Variants in RABGAP1L observed in about 807,000 individuals in gnomAD.
RABGAP1L encodes the protein RAB GTPase activating protein 1 like, also known as rab GTPase-activating protein 1-like.
A neutral mutation model predicts 137.7 loss-of-function variants in RABGAP1L; 63 were observed. The observed-to-expected ratio is 0.46, with a 90% CI of 0.37 to 0.56. The LOEUF (loss-of-function observed/expected upper bound fraction) is 0.56. RABGAP1L is among the 20% of genes least tolerant of loss of function. The probability of loss-of-function intolerance (pLI) is 0.00; values close to 1 mark genes in which losing one functional copy is unlikely to be tolerated. For missense variants in RABGAP1L, 1,095 were observed against 1,244.0 expected (o/e 0.88, Z 1.80); for synonymous variants, 431 against 433.7 (o/e 0.99, Z 0.08).
intron 13 of RABGAP1L, among the ~76,000 whole-genome samples, chr1:174,529,931 G>C (rs140217172): frequency 6.6e-6 from 1 of 152,212 alleles, no homozygotes; most frequent in East Asian, 2.0e-4. Flanking sequence ...GTACTCCCCT[G>C]ACCCCCAGAC....
chr1:174,451,273 T>C (rs1036902422), intron 13 of RABGAP1L, among the ~76,000 whole-genome samples: 2 of 152,230 alleles, frequency 1.3e-5, no homozygotes, highest in African/African-American at 4.8e-5. Context: ...TTCTAAATTA[T>C]ACATATTATT....
chr1:174,420,820 G>A (rs532808680), intron 13 of RABGAP1L, among the ~76,000 whole-genome samples: 7 of 151,838 alleles, frequency 4.6e-5, no homozygotes, highest in African/African-American at 9.7e-5. Flanking sequence ...GACTACAGGC[G>A]CCCGCCACCA....
intron 11 of RABGAP1L, among the ~76,000 whole-genome samples, chr1:174,346,847 T>G (rs1232139825): frequency 2.0e-5 from 3 of 152,094 alleles, no homozygotes; most frequent in African/African-American, 7.2e-5. Flanking sequence ...TTTTTTGATG[T>G]AGGTGCTTAT....
At chr1:174,492,137 T>C (rs2149355375) in intron 13 of RABGAP1L, among the ~76,000 whole-genome samples, 1 of 152,114 alleles carries the variant, frequency 6.6e-6, no homozygotes, top group African/African-American at 2.4e-5. Flanking sequence ...AGTGTAGCTT[T>C]CTATTCCGCC....
intron 19 of RABGAP1L, chr1:174,938,597 G>C (rs569098074): frequency 5.8e-4 from 88 of 152,012 alleles, no homozygotes; most frequent in African/African-American, 2.0e-3. Context: ...CCCATTGAGT[G>C]TTTTTCCTTG....
intron 13 of RABGAP1L, among the ~76,000 whole-genome samples, chr1:174,527,695 T>C (rs559445473): frequency 5.8e-4 from 89 of 152,242 alleles, no homozygotes; most frequent in African/African-American, 2.1e-3. Flanking sequence ...CTTTACTGAT[T>C]TTCTGTCTAG....
intron 9 of RABGAP1L, among the ~76,000 whole-genome samples, chr1:174,277,143 A>G (rs758401554): frequency 2.9e-4 from 44 of 152,152 alleles, no homozygotes; most frequent in Non-Finnish European, 5.4e-4. Context: ...GAGAGTATTC[A>G]CCATTTATAT....
intron 19 of RABGAP1L, among the ~76,000 whole-genome samples, chr1:174,955,520 T>C (rs1668382424): frequency 6.6e-6 from 1 of 152,194 alleles, no homozygotes; most frequent in Admixed American, 6.5e-5. Flanking sequence ...ATAAGGAAAT[T>C]GTGAGATAAT....
chr1:174,643,777 A>G (rs1237973068), intron 14 of RABGAP1L, among the ~76,000 whole-genome samples: 1 of 152,016 alleles, frequency 6.6e-6, no homozygotes, highest in Non-Finnish European at 1.5e-5. Flanking sequence ...TTTTCATATT[A>G]TTCATTTTAG....
In RABGAP1L at chr1:174,385,495, G is replaced by T. The variant is rs375761500; in HGVS notation, c.1560-8500G>T. 2.6e-5 allele frequency among the ~76,000 whole-genome samples: 4 copies of T among 152,178 alleles called. No homozygotes were observed. In the South Asian group the frequency reaches 6.2e-4, roughly 24 times the overall value. ...GGAAATATGAGTTTGGGAGTCATCA[G>T]TATATAGATGGTTTTTAAAGCTGTT... On this transcript the variant is annotated intron_variant, in intron 12 of 25. Coordinates refer to ENST00000681986, the MANE Select transcript of RABGAP1L (RefSeq NM_001366446.1).
intron 1 of RABGAP1L, among the ~76,000 whole-genome samples, chr1:174,177,235 T>C (rs572614062): frequency 6.6e-6 from 1 of 152,356 alleles, no homozygotes; most frequent in South Asian, 2.1e-4. Context: ...TGACCAGTGA[T>C]GATGAGCTTT....
intron 14 of RABGAP1L, among the ~76,000 whole-genome samples, chr1:174,660,445 T>C (rs35762955): frequency 6.6e-6 from 1 of 152,196 alleles, no homozygotes; most frequent in African/African-American, 2.4e-5. Flanking sequence ...TTAGGAAATC[T>C]TACTGACTCC....
At chr1:174,196,470 C>T (rs917118864) in intron 1 of RABGAP1L, among the ~76,000 whole-genome samples, 4 of 152,090 alleles carry the variant, frequency 2.6e-5, no homozygotes, top group Non-Finnish European at 4.4e-5. Context: ...GTGATCCACC[C>T]GCCTCGGCCT....
chr1:174,904,594 T>C (rs1396081532), intron 19 of RABGAP1L, among the ~76,000 whole-genome samples: 1 of 152,160 alleles, frequency 6.6e-6, no homozygotes, highest in Admixed American at 6.5e-5. Flanking sequence ...CACATAAAAG[T>C]GGCTGTTCAG....
intron 15 of RABGAP1L, among the ~76,000 whole-genome samples, chr1:174,687,602 T>C (rs1678575985): frequency 2.6e-5 from 4 of 152,206 alleles, no homozygotes; most frequent in African/African-American, 7.2e-5. Flanking sequence ...TTTAAACAAA[T>C]AGAAGAATAC....
intron 13 of RABGAP1L, among the ~76,000 whole-genome samples, chr1:174,580,037 C>T (rs1220257879): frequency 3.9e-5 from 6 of 152,196 alleles, no homozygotes; most frequent in Non-Finnish European, 2.9e-5. Context: ...GCTGGGATTA[C>T]AGGCATGAGA....
intron 18 of RABGAP1L, among the ~76,000 whole-genome samples, chr1:174,764,786 T>A (rs1685534096): frequency 1.3e-5 from 2 of 152,144 alleles, no homozygotes; most frequent in African/African-American, 2.4e-5. Context: ...TGTTCTTTCT[T>A]AGAGTAGCAA....
chr1:174,394,186 C>T, intron 13 of RABGAP1L, 41 bp downstream of exon 13: 1 of 1,589,916 alleles, frequency 6.3e-7, no homozygotes, highest in South Asian at 1.1e-5. Flanking sequence ...ATTGGATGAC[C>T]TATTAAATAA....
intron 13 of RABGAP1L, among the ~76,000 whole-genome samples, chr1:174,442,614 A>G (rs1157511948): frequency 2.6e-5 from 4 of 152,130 alleles, no homozygotes; most frequent in Admixed American, 6.5e-5. Flanking sequence ...TTAATAATAC[A>G]TAATAGTTAT....
Sources: gnomAD v4.1 joint callset for allele counts (sites outside exome capture counted in the v4.1 genomes callset) on GRCh38, gnomAD v4.1.1 for gene constraint, MANE v1.5 for transcripts, NCBI Gene and HGNC (gene_info 2026-07-23, HGNC 2026-07-21) for gene names.